Variants in LRMDA observed in about 807,000 individuals in gnomAD.
The protein encoded by LRMDA is leucine rich melanocyte differentiation associated, also known as leucine-rich melanocyte differentiation-associated protein.
In LRMDA, 18 loss-of-function variants were observed where a neutral mutation model predicts 29.8. That is an observed-to-expected ratio of 0.60 (90% CI 0.42 to 0.90). LRMDA has a LOEUF of 0.90. LRMDA is among the 40% of genes least tolerant of loss of function. The pLI is 0.00. For synonymous variants in LRMDA, 125 were observed against 109.4 expected (o/e 1.14, Z -0.89); for missense variants, 273 against 273.9 (o/e 1.00, Z 0.02).
intron 5 of LRMDA, among the ~76,000 whole-genome samples, chr10:76,139,023 A>T (rs1011022465): frequency 1.3e-5 from 2 of 152,150 alleles, no homozygotes; most frequent in East Asian, 3.9e-4. Flanking sequence ...TGGTGTGTTC[A>T]TCTGCACCTC....
chr10:75,446,283 G>A (rs150708160), intron 2 of LRMDA, among the ~76,000 whole-genome samples: 8 of 152,316 alleles, frequency 5.3e-5, no homozygotes, highest in South Asian at 2.1e-4. Flanking sequence ...GGCTAATTGC[G>A]GAAGTGTTGA....
intron 5 of LRMDA, among the ~76,000 whole-genome samples, chr10:76,321,957 A>G (rs1461886626): frequency 1.3e-5 from 2 of 152,144 alleles, no homozygotes; most frequent in Non-Finnish European, 2.9e-5. Flanking sequence ...CAACAACAAC[A>G]ACACATTTGC....
intron 2 of LRMDA, among the ~76,000 whole-genome samples, chr10:75,915,149 T>G (rs111391940): frequency 0.016 from 1,497 of 95,622 alleles, 25 homozygotes; most frequent in African/African-American, 0.062. Flanking sequence ...TTTTTTTTTT[T>G]GAGACAGAGT....
intron 5 of LRMDA, among the ~76,000 whole-genome samples, chr10:76,252,395 C>T (rs1002075551): frequency 6.6e-6 from 1 of 151,884 alleles, no homozygotes; most frequent in Non-Finnish European, 1.5e-5. Flanking sequence ...ATAATATTGT[C>T]AAGGAAAAAA....
chr10:75,583,729 C>T (rs142904853), intron 2 of LRMDA, among the ~76,000 whole-genome samples: 13 of 152,236 alleles, frequency 8.5e-5, no homozygotes, highest in Admixed American at 2.6e-4. Flanking sequence ...GTCACCCATC[C>T]GTCAGTTCTC....
chr10:75,799,266 A>T (rs575270805), intron 2 of LRMDA, among the ~76,000 whole-genome samples: 1 of 152,254 alleles, frequency 6.6e-6, no homozygotes, highest in South Asian at 2.1e-4. Flanking sequence ...CATATTTATG[A>T]TTCGTATGTC....
intron 2 of LRMDA, among the ~76,000 whole-genome samples, chr10:75,667,570 G>T (rs1364181515): frequency 6.6e-6 from 1 of 152,178 alleles, no homozygotes; most frequent in East Asian, 1.9e-4. Context: ...CAAAGTGCTG[G>T]GATTACAGGC....
At chr10:75,579,291 C>T (rs541494997) in intron 2 of LRMDA, among the ~76,000 whole-genome samples, 9 of 152,342 alleles carry the variant, frequency 5.9e-5, no homozygotes, top group African/African-American at 1.7e-4. Context: ...ATACTACAAA[C>T]ACCTCTATGC....
chr10:76,030,787 TAAAA>T (rs1848136380), intron 2 of LRMDA, among the ~76,000 whole-genome samples: 1 of 152,122 alleles, frequency 6.6e-6, no homozygotes, highest in African/African-American at 2.4e-5. Context: ...GACTCCATCT[TAAAA>T]AAATTAAAAA....
At chr10:76,518,206 C>T (rs1228558096) in intron 6 of LRMDA, among the ~76,000 whole-genome samples, 1 of 151,810 alleles carries the variant, frequency 6.6e-6, no homozygotes, top group Non-Finnish European at 1.5e-5. Flanking sequence ...GCAACCAAAA[C>T]AAAATGAGAA....
intron 5 of LRMDA, among the ~76,000 whole-genome samples, chr10:76,281,849 G>C (rs548005805): frequency 6.9e-4 from 105 of 152,132 alleles, no homozygotes; most frequent in African/African-American, 2.3e-3. Context: ...GTGATAAACA[G>C]GTCTTGGCCT....
At chr10:75,602,802 A>G (rs527436998) in intron 2 of LRMDA, among the ~76,000 whole-genome samples, 35 of 152,356 alleles carry the variant, frequency 2.3e-4, no homozygotes, top group Non-Finnish European at 4.8e-4. Flanking sequence ...TATTAAAAAA[A>G]GTTCAGATTC....
chr10:76,183,456 G>T (rs1851090284), intron 5 of LRMDA, among the ~76,000 whole-genome samples: 1 of 152,178 alleles, frequency 6.6e-6, no homozygotes, highest in Non-Finnish European at 1.5e-5. Flanking sequence ...TTGAGAGAAA[G>T]ATCTCTCTAA....
intron 6 of LRMDA, chr10:76,438,672 G>A (rs1032674693): frequency 6.6e-6 from 1 of 152,124 alleles, no homozygotes; most frequent in African/African-American, 2.4e-5. Flanking sequence ...CTCTCACAGT[G>A]GTGTCAGTTT....
intron 2 of LRMDA, among the ~76,000 whole-genome samples, chr10:75,998,766 T>C (rs1410259799): frequency 2.0e-5 from 3 of 152,212 alleles, no homozygotes; most frequent in Admixed American, 6.5e-5. Context: ...GTACTTGGAA[T>C]GGCAAAACAC....
rs1468255973 is a variant in LRMDA, at chr10:76,276,726, T to C, written c.517-47675T>C. Among the ~76,000 whole-genome samples, 6 of 152,230 alleles carry C rather than the reference T, an allele frequency of 3.9e-5. No homozygotes were observed. In the East Asian group the frequency reaches 1.2e-3, roughly 29 times the overall value. On this transcript the variant is annotated intron_variant, in intron 5 of 6. Transcript: ENST00000611255. ...GCTTGTATCCTGGGCATTTTGAACATTATGTTGCTTCAATATTGGATATAT... is the reference window on the plus strand; with the variant it reads ...GCTTGTATCCTGGGCATTTTGAACACTATGTTGCTTCAATATTGGATATAT...
chr10:76,471,282 G>A (rs1482227957), intron 6 of LRMDA, among the ~76,000 whole-genome samples: 1 of 151,646 alleles, frequency 6.6e-6, no homozygotes, highest in African/African-American at 2.4e-5. Flanking sequence ...TAAATATAAT[G>A]TGTATAACAA....
intron 2 of LRMDA, among the ~76,000 whole-genome samples, chr10:75,710,685 G>A (rs540337064): frequency 5.3e-5 from 8 of 152,260 alleles, no homozygotes; most frequent in Non-Finnish European, 1.2e-4. Flanking sequence ...GGAACGAAAA[G>A]TGAGCTGTGG....
chr10:75,697,850 T>TGTGTGTGTGTGTGTGCGC (rs10664076), intron 2 of LRMDA, among the ~76,000 whole-genome samples: 20 of 151,704 alleles, frequency 1.3e-4, no homozygotes, highest in African/African-American at 4.6e-4. Flanking sequence ...TGTGTGTGTG[T>TGTGTGTGTGTGTGTGCGC]GCGTGTGTGT....
Sources: allele counts gnomAD v4.1 joint callset (sites outside exome capture counted in the v4.1 genomes callset), GRCh38; gene constraint gnomAD v4.1.1; transcripts MANE v1.5; gene names NCBI Gene and HGNC (gene_info 2026-07-23, HGNC 2026-07-21).